The following CRACDL variants were observed in gnomAD, a reference collection of about 807,000 sequenced individuals.
The protein encoded by CRACDL is CRACD-like protein.
A neutral mutation model predicts 70.6 loss-of-function variants in CRACDL; 26 were observed. The ratio of observed to expected loss-of-function variants is 0.37; its 90% CI spans 0.27 to 0.51. The LOEUF is 0.51. CRACDL is among the 20% of genes least tolerant of loss of function. The pLI is 0.94. For synonymous variants in CRACDL, 618 were observed against 615.2 expected (o/e 1.00, Z -0.07); for missense variants, 1,283 against 1,376.9 (o/e 0.93, Z 1.08).
At chr2:98,832,754 G>T (rs1477116193) in intron 4 of CRACDL, 108 bp downstream of exon 4, 2 of 1,397,506 alleles carry the variant, frequency 1.4e-6, no homozygotes, top group Non-Finnish European at 2.0e-6. Flanking sequence ...TCATGTACAT[G>T]TGATTCTACT....
intron 7 of CRACDL, among the ~76,000 whole-genome samples, chr2:98,805,221 G>A (rs2104418756): frequency 6.6e-6 from 1 of 152,048 alleles, no homozygotes; most frequent in Admixed American, 6.5e-5. Context: ...AATGCACTGA[G>A]CTACACACAT....
intron 1 of CRACDL, among the ~76,000 whole-genome samples, chr2:98,864,547 CCT>C (rs1491236102): frequency 1.3e-5 from 2 of 150,962 alleles, no homozygotes; most frequent in Non-Finnish European, 1.5e-5. Context: ...TTGATTGTAC[CCT>C]TTTTTTTTTT....
chr2:98,795,991 G>A (rs754389207), intron 9 of CRACDL, 129 bp downstream of exon 9: 15 of 819,352 alleles, frequency 1.8e-5, no homozygotes, highest in South Asian at 3.0e-5. Flanking sequence ...TTGTATCTCC[G>A]TAAGAGCTGT....
intron 1 of CRACDL, among the ~76,000 whole-genome samples, chr2:98,927,214 G>C (rs2104702547): frequency 6.6e-6 from 1 of 152,348 alleles, no homozygotes; most frequent in South Asian, 2.1e-4. Flanking sequence ...AGAGCAGCAG[G>C]TGGGACCCTC....
At chr2:98,810,725 G>A (rs757235152) in intron 7 of CRACDL, among the ~76,000 whole-genome samples, 2 of 152,176 alleles carry the variant, frequency 1.3e-5, no homozygotes, top group African/African-American at 2.4e-5. Flanking sequence ...ATTTAAAGTT[G>A]TCTATTAAAA....
At chr2:98,910,691 T>G (rs1209163104) in intron 1 of CRACDL, among the ~76,000 whole-genome samples, 2 of 151,446 alleles carry the variant, frequency 1.3e-5, no homozygotes, top group East Asian at 1.9e-4. Flanking sequence ...GGAGTTGGAG[T>G]GTTCCCTCCC....
chr2:98,925,057 C>T (rs1423401942), intron 1 of CRACDL, among the ~76,000 whole-genome samples: 1 of 152,240 alleles, frequency 6.6e-6, no homozygotes, highest in Non-Finnish European at 1.5e-5. Context: ...AGCTCTCAGC[C>T]TGTCCCTTTC....
intron 2 of CRACDL, among the ~76,000 whole-genome samples, chr2:98,845,446 C>T (rs937180080): frequency 3.3e-5 from 5 of 152,144 alleles, no homozygotes; most frequent in African/African-American, 7.2e-5. Context: ...CCTCCCACCT[C>T]GGCCTCTCAG....
At chr2:98,884,866 T>C (rs1222943098) in intron 1 of CRACDL, among the ~76,000 whole-genome samples, 4 of 152,176 alleles carry the variant, frequency 2.6e-5, no homozygotes, top group African/African-American at 7.2e-5. Context: ...GCCCAGTTCA[T>C]GGTATTCTGT....
At chr2:98,903,809 A>G (rs1267843310) in intron 1 of CRACDL, among the ~76,000 whole-genome samples, 1 of 152,270 alleles carries the variant, frequency 6.6e-6, no homozygotes, top group Non-Finnish European at 1.5e-5. Flanking sequence ...AGAAAAAGAT[A>G]TTCTTTCCAG....
intron 1 of CRACDL, among the ~76,000 whole-genome samples, chr2:98,880,591 G>A (rs1229714371): frequency 6.6e-6 from 1 of 152,148 alleles, no homozygotes; most frequent in Non-Finnish European, 1.5e-5. Context: ...TTCTGAGCGG[G>A]TGTTTGCAGG....
intron 1 of CRACDL, among the ~76,000 whole-genome samples, chr2:98,865,732 A>T (rs2104583261): frequency 6.6e-6 from 1 of 151,648 alleles, no homozygotes; most frequent in East Asian, 1.9e-4. Context: ...CACACCAAAG[A>T]GGCGTCAAGA....
chr2:98,910,578 T>C (rs1035658425), intron 1 of CRACDL, among the ~76,000 whole-genome samples: 1 of 150,650 alleles, frequency 6.6e-6, no homozygotes, highest in African/African-American at 2.4e-5. Context: ...TGCTCCTTGT[T>C]TCCCAGCCAC....
chr2:98,827,109 T>C lies in CRACDL; in HGVS notation c.601A>G (p.Asn201Asp), dbSNP rs1397022168. ...DSTVSARISD[N>D]SLAPVADFSY... is the part of the protein sequence containing the mutation. ...AAGTCAGCCACTGGTGCCAGGCTGT[T>C]GTCTGAGATCCGGGCAGAGACGGTG... Residue 201 changes from asparagine to aspartate, a missense_variant, in exon 6 of 10, where the codon AAC (asparagine) becomes GAC (aspartate). Physicochemically the swap from Asn to Asp is conservative, Grantham distance 23 (BLOSUM62 1). Transcript: ENST00000397899. The C allele has an allele frequency of 4.3e-6, 7 of 1,614,110 alleles. No homozygotes were observed. The East Asian group carries it at 6.7e-5, about 15-fold the overall frequency.
chr2:98,822,449 C>T lies in CRACDL; in HGVS notation c.1824G>A (p.Arg608=), dbSNP rs1705099955. The change falls in exon 7 of 10, where the codon AGG becomes AGA. Residue 608 remains arginine (R), a synonymous_variant. Coordinates refer to ENST00000397899, the MANE Select transcript of CRACDL (RefSeq NM_207362.3). This position sits in a 1 kb window ranked among gnomAD's most constrained non-coding sequence, Gnocchi z 4.9. ...LPLARSGPVW[R]SEAALDDLQG... is the part of the protein sequence containing the mutation. ...GGAGGTCGTCAAGAGCCGCCTCGCT[C>T]CTCCAGACCGGGCCGCTCCTCGCGA... 6 of 1,482,480 alleles carry T rather than the reference C, an allele frequency of 4.0e-6. No homozygotes were observed. Among genetic ancestry groups the T allele is most frequent in the Non-Finnish European group, 4.4e-6 (5 of 1,124,580 alleles). The allele number at this position is 1,482,480 out of a possible 1,614,324, so 91.8% of individuals were successfully genotyped here.
At chr2:98,808,994 T>TCCCATGGTCC (rs1461119261) in intron 7 of CRACDL, among the ~76,000 whole-genome samples, 1 of 152,148 alleles carries the variant, frequency 6.6e-6, no homozygotes, top group African/African-American at 2.4e-5. Context: ...GATCCTGGTC[T>TCCCATGGTCC]CCCATGGTCC....
At chr2:98,798,301 C>T (rs983726038) in intron 7 of CRACDL, among the ~76,000 whole-genome samples, 2 of 152,056 alleles carry the variant, frequency 1.3e-5, no homozygotes, top group East Asian at 1.9e-4. Flanking sequence ...GCTGAGATCA[C>T]GCCATTGCAC....
intron 1 of CRACDL, among the ~76,000 whole-genome samples, chr2:98,877,272 C>T (rs4851166): frequency 0.12 from 18,867 of 152,218 alleles, 1,594 homozygotes; most frequent in Admixed American, 0.24. Context: ...TGGGCCTCAA[C>T]TGTGATCCAA....
intron 1 of CRACDL, 149 bp from the exon 2 acceptor site, chr2:98,846,959 C>T (rs1706283175): frequency 3.2e-6 from 2 of 624,226 alleles, no homozygotes; most frequent in Admixed American, 5.0e-5. Flanking sequence ...ACAGTACAGG[C>T]CAAAACCATA....
Sources: allele counts gnomAD v4.1 joint callset (sites outside exome capture counted in the v4.1 genomes callset), GRCh38; gene constraint gnomAD v4.1.1; non-coding constraint Gnocchi (gnomAD v3.1); transcripts MANE v1.5; gene names NCBI Gene and HGNC (gene_info 2026-07-23, HGNC 2026-07-21).